The following SULF2 variants were observed in gnomAD, a reference collection of about 807,000 sequenced individuals.
SULF2 encodes the protein sulfatase 2, also known as extracellular sulfatase Sulf-2.
Under a neutral mutation model 107.7 loss-of-function variants are expected in SULF2, and 52 were observed. The ratio of observed to expected loss-of-function variants is 0.48; its 90% CI spans 0.39 to 0.61. The LOEUF is 0.61. Among genes scored for constraint, SULF2 ranks in the 20% least tolerant of loss-of-function variants. The pLI is 0.00. For missense variants in SULF2, 993 were observed against 1,177.3 expected, an observed-to-expected ratio of 0.84 and a Z score of 2.29; for synonymous variants, 460 against 464.3, an observed-to-expected ratio of 0.99 and a Z score of 0.12.
intron 2 of SULF2, among the ~76,000 whole-genome samples, chr20:47,738,235 A>G (rs571611751): frequency 6.6e-6 from 1 of 152,368 alleles, no homozygotes; most frequent in East Asian, 1.9e-4. Flanking sequence ...TGTGACACAC[A>G]GTGGGTACTC....
At chr20:47,660,877 T>TC (rs1423216426) in intron 18 of SULF2, among the ~76,000 whole-genome samples, 1 of 152,148 alleles carries the variant, frequency 6.6e-6, no homozygotes, top group African/African-American at 2.4e-5. Flanking sequence ...GGACTCCTAA[T>TC]CCCGCACCTC....
chr20:47,674,873 G>A (rs569858388), intron 10 of SULF2, among the ~76,000 whole-genome samples: 96 of 152,238 alleles, frequency 6.3e-4, no homozygotes, highest in Middle Eastern at 3.4e-3. Flanking sequence ...GAGCAGGGCC[G>A]TTGCCTGGGA....
At chr20:47,691,952 GT>G (rs1168200007) in intron 4 of SULF2, among the ~76,000 whole-genome samples, 1 of 152,138 alleles carries the variant, frequency 6.6e-6, no homozygotes, top group African/African-American at 2.4e-5. Context: ...CTAGACTGGA[GT>G]GCAGTGGTGA....
At chr20:47,742,957 T>TG (rs1491251885) in intron 2 of SULF2, among the ~76,000 whole-genome samples, 1 of 66,530 alleles carries the variant, frequency 1.5e-5, no homozygotes, top group Non-Finnish European at 2.8e-5. Context: ...TTTTTTTTTT[T>TG]GCCATTCCTG....
chr20:47,737,025 C>T, intron 2 of SULF2, 83 bp from the exon 3 acceptor site: 2 of 1,586,938 alleles, frequency 1.3e-6, no homozygotes, highest in South Asian at 2.3e-5. Flanking sequence ...ACGTGGCATC[C>T]CTAGGTCTGG....
intron 8 of SULF2, among the ~76,000 whole-genome samples, chr20:47,677,469 C>A (rs2146474979): frequency 6.6e-6 from 1 of 151,988 alleles, no homozygotes; most frequent in South Asian, 2.1e-4. Context: ...GGAAGCCCAG[C>A]AACTCCCCCG....
intron 1 of SULF2, among the ~76,000 whole-genome samples, chr20:47,761,544 AAAAGTC>A (rs1232218774): frequency 6.6e-6 from 1 of 152,256 alleles, no homozygotes; most frequent in Non-Finnish European, 1.5e-5. Flanking sequence ...TTGTACAAAT[AAAAGTC>A]AAAGAAAGCT....
chr20:47,725,690 A>G (rs1450957509), intron 3 of SULF2, among the ~76,000 whole-genome samples: 1 of 152,226 alleles, frequency 6.6e-6, no homozygotes, highest in African/African-American at 2.4e-5. Context: ...TAGAGTGAAC[A>G]GTCCACAGTT....
At chr20:47,679,595 A>G (rs2087758621) in intron 7 of SULF2, among the ~76,000 whole-genome samples, 2 of 152,340 alleles carry the variant, frequency 1.3e-5, no homozygotes, top group East Asian at 3.9e-4. Flanking sequence ...GGCAGACTGC[A>G]TGGGTTCAAG....
chr20:47,673,162 C>T (rs2087532626), intron 10 of SULF2, among the ~76,000 whole-genome samples: 1 of 152,342 alleles, frequency 6.6e-6, no homozygotes, highest in Middle Eastern at 3.4e-3. Context: ...TCTGCAACCA[C>T]CTGTAAACTG....
intron 1 of SULF2, among the ~76,000 whole-genome samples, chr20:47,766,623 G>A (rs551371549): frequency 6.6e-6 from 1 of 152,330 alleles, no homozygotes; most frequent in East Asian, 1.9e-4. Context: ...ATAAAGCAGT[G>A]AAAAGAAAGC....
chr20:47,780,742 G>T (rs1470040247), intron 1 of SULF2, among the ~76,000 whole-genome samples: 11 of 151,822 alleles, frequency 7.2e-5, no homozygotes, highest in Admixed American at 5.2e-4. Flanking sequence ...TTAGTAGAGA[G>T]AGGGTTTTGC....
intron 3 of SULF2, among the ~76,000 whole-genome samples, chr20:47,717,357 T>C (rs914687098): frequency 2.6e-5 from 4 of 152,178 alleles, no homozygotes; most frequent in African/African-American, 9.7e-5. Context: ...AGAGCTGAAA[T>C]GAGGCTCAAT....
chr20:47,658,013 C>T lies in SULF2; in HGVS notation c.*349G>A, dbSNP rs1407657480. The T allele has an allele frequency of 9.7e-6, 3 of 308,834 alleles. No individual in the cohort carries two copies. The highest frequency in any genetic ancestry group is 1.8e-5 in the Non-Finnish European group (3 of 165,796). The allele number at this position is 308,834 out of a possible 1,614,324, so 19.1% of individuals were successfully genotyped here. ...ATTTAAAAATTCCAATGACTTTCGCCCTTGGGAGAAATTTCCAAGGAAATC... is the reference window on the plus strand; with the variant it reads ...ATTTAAAAATTCCAATGACTTTCGCTCTTGGGAGAAATTTCCAAGGAAATC... On this transcript the variant is annotated 3_prime_UTR_variant, in exon 21 of 21. Coordinates refer to ENST00000688720, the MANE Select transcript of SULF2 (RefSeq NM_001387048.1).
intron 3 of SULF2, among the ~76,000 whole-genome samples, chr20:47,707,861 A>AC (rs1299649318): frequency 1.3e-5 from 2 of 152,212 alleles, no homozygotes; most frequent in African/African-American, 2.4e-5. Context: ...TACTCGTGGC[A>AC]AACAATACTG....
intron 3 of SULF2, among the ~76,000 whole-genome samples, chr20:47,728,906 A>G (rs1444168768): frequency 1.3e-5 from 2 of 152,212 alleles, no homozygotes; most frequent in African/African-American, 4.8e-5. Flanking sequence ...TCAGCCTCCC[A>G]AAGTGTTAGA....
At chr20:47,699,665 G>A (rs1046134707) in intron 4 of SULF2, among the ~76,000 whole-genome samples, 7 of 152,146 alleles carry the variant, frequency 4.6e-5, no homozygotes, top group Admixed American at 4.6e-4. Flanking sequence ...ACGACATGGT[G>A]GGCTGAAGGG....
chr20:47,741,463 T>C (rs961981623), intron 2 of SULF2, among the ~76,000 whole-genome samples: 2 of 152,128 alleles, frequency 1.3e-5, no homozygotes, highest in African/African-American at 4.8e-5. Context: ...CCCAATATTT[T>C]CTACTCCCTT....
At chr20:47,725,908 T>G (rs2089430199) in intron 3 of SULF2, among the ~76,000 whole-genome samples, 1 of 152,212 alleles carries the variant, frequency 6.6e-6, no homozygotes, top group African/African-American at 2.4e-5. Context: ...GGACTCGCTG[T>G]GTGGGCTGGC....
Sources: gnomAD v4.1 joint callset for allele counts (sites outside exome capture counted in the v4.1 genomes callset) on GRCh38, gnomAD v4.1.1 for gene constraint, MANE v1.5 for transcripts, NCBI Gene and HGNC (gene_info 2026-07-23, HGNC 2026-07-21) for gene names.